The following COG4 variants were observed in gnomAD, a reference collection of about 807,000 sequenced individuals.
The protein encoded by COG4 is component of oligomeric golgi complex 4, also known as conserved oligomeric Golgi complex subunit 4.
COG4 carries 65 observed loss-of-function variants against 95.1 expected under a neutral mutation model. That is an observed-to-expected ratio of 0.68 (90% CI 0.56 to 0.84). COG4 has a LOEUF of 0.84. COG4 is among the 40% of genes least tolerant of loss of function. COG4 has a pLI of 0.00. For synonymous variants in COG4, 421 were observed against 374.8 expected (o/e 1.12, Z -1.42); for missense variants, 1,045 against 989.1 (o/e 1.06, Z -0.76).
rs2048982944 is a variant in COG4, at chr16:70,481,159, A to C, written c.2236-15T>G. On this transcript the variant is annotated splice_polypyrimidine_tract_variant and intron_variant, in intron 18 of 18. Transcript: ENST00000323786. ...ATCTCGGTCACCTGTGGGGAAGGAC[A>C]TAGAGACCAGTCAGCAAGGTGGGGT... 5 of 1,613,134 alleles carry C rather than the reference A, an allele frequency of 3.1e-6. No homozygotes were observed. In the South Asian group the frequency reaches 5.5e-5, roughly 18 times the overall value.
chr16:70,520,361 T>C (rs1381730116), intron 1 of COG4, among the ~76,000 whole-genome samples: 1 of 49,972 alleles, frequency 2.0e-5, no homozygotes, highest in East Asian at 8.8e-4. Context: ...GAGAATGACA[T>C]GAACCCGGGG....
Position 70,512,282 on chromosome 16 carries a change from T to C in COG4, c.695A>G (p.His232Arg). ...CGAGAACTTTCTTAATCCCTCCTCA[T>C]GCAAACCCAGCAGTGGGAAGATCTT... ...FFKIFPLLGL[H>R]EEGLRKFSEY... Residue 232 changes from histidine (H) to arginine (R), a missense_variant, in exon 5 of 19, where the codon CAT (histidine) becomes CGT (arginine). Transcript: ENST00000323786. 6.2e-7 allele frequency: 1 copy of C among 1,614,170 alleles called. No individual in the cohort carries two copies. Among genetic ancestry groups the C allele is most frequent in the East Asian group, 2.2e-5 (1 of 44,874 alleles).
intron 7 of COG4, chr16:70,508,872 T>C (rs2049636790): frequency 7.5e-6 from 4 of 533,408 alleles, no homozygotes; most frequent in Non-Finnish European, 1.4e-5. Flanking sequence ...GAAGGGGAAA[T>C]TGGAGACAAT....
chr16:70,519,033 T>C (rs28419202), intron 2 of COG4, among the ~76,000 whole-genome samples: 18,154 of 151,204 alleles, frequency 0.12, 3,613 homozygotes, highest in African/African-American at 0.41. Context: ...AATCACTTGG[T>C]AGGCTTGTCA....
chr16:70,503,359 G>C (rs2049491700), intron 8 of COG4, among the ~76,000 whole-genome samples: 1 of 152,142 alleles, frequency 6.6e-6, no homozygotes, highest in South Asian at 2.1e-4. Context: ...CTGACCCCAA[G>C]ACATCTTTAC....
chr16:70,497,300 G>C lies in COG4; in HGVS notation c.1402C>G (p.Arg468Gly), dbSNP rs148569863. ...VFYIVKKCIG[R>G]ALSSSSIDCL... ...TCAATGCTGGAGCTGGACAGAGCCC[G>C]CCCAATGCACTTCTTAACAATGTAG... Residue 468 changes from arginine to glycine, a missense_variant, in exon 11 of 19, where the codon CGG (arginine) becomes GGG (glycine). Coordinates refer to ENST00000323786, the MANE Select transcript of COG4 (RefSeq NM_015386.3). 1 of 1,614,032 alleles carries C rather than the reference G, an allele frequency of 6.2e-7. No individual in the cohort carries two copies. Among genetic ancestry groups the C allele is most frequent in the African/African-American group, 1.3e-5 (1 of 74,992 alleles).
In COG4 at chr16:70,514,320, GT is replaced by G; in HGVS notation, c.544+14del. The stretch of plus-strand genomic sequence containing the variant: ...ATTTTAACTAAACTAAAAACCAACA[GT>G]TTCGGATGCTGACCCTCTTTGCCCT... On this transcript the variant is annotated intron_variant, in intron 4 of 18. Transcript: ENST00000323786. The G allele has an allele frequency of 6.2e-7, 1 of 1,613,838 alleles. No individual in the cohort carries two copies. Among genetic ancestry groups the G allele is most frequent in the Non-Finnish European group, 8.5e-7 (1 of 1,179,788 alleles).
At position 70,481,105 on chromosome 16, in the gene COG4, G is replaced by C. The variant is rs771106863; in HGVS notation, c.2275C>G (p.Pro759Ala). The change falls in exon 19 of 19, where the codon CCA becomes GCA. Residue 759 changes from proline (P) to alanine (A), a missense_variant. Transcript: ENST00000323786. ...ILDYWGPNSG[P>A]LTWRLTPAEV... Reference sequence around the variant, plus strand: ...GCAGGGGTGAGGCGCCACGTCAATGGGCCGGAATTGGGTCCCCAGTAATCG... The same window carrying C: ...GCAGGGGTGAGGCGCCACGTCAATGCGCCGGAATTGGGTCCCCAGTAATCG... The C allele has an allele frequency of 6.2e-7, 1 of 1,613,548 alleles. No homozygotes were observed. The highest frequency in any genetic ancestry group is 2.2e-5 in the East Asian group (1 of 44,878).
intron 7 of COG4, 117 bp from the exon 8 acceptor site, chr16:70,508,581 G>T: frequency 1.1e-6 from 1 of 907,734 alleles, no homozygotes; most frequent in Non-Finnish European, 1.8e-6. Context: ...TGTTTACCAG[G>T]TTTACCTTCC....
chr16:70,496,204 A>G, intron 12 of COG4, 62 bp downstream of exon 12: 3 of 1,564,626 alleles, frequency 1.9e-6, no homozygotes, highest in Non-Finnish European at 2.6e-6. Flanking sequence ...ACTGTGGCTT[A>G]GCAGTGATAG....
Position 70,480,917 on chromosome 16 carries a change from C to G in COG4, c.*93G>C. 3.3e-6 allele frequency: 5 copies of G among 1,492,560 alleles called. No homozygotes were observed. The highest frequency in any genetic ancestry group is 1.4e-5 in the African/African-American group (1 of 72,944). 92.5% of individuals were successfully genotyped at this position (1,492,560 alleles called of 1,614,324 possible). On this transcript the variant is annotated 3_prime_UTR_variant, in exon 19 of 19. Coordinates refer to ENST00000323786, the MANE Select transcript of COG4 (RefSeq NM_015386.3). Reference sequence around the variant, plus strand: ...GAAAGGTCTGGGCTGTCAGATCTCCCCCAAGCCAGACAGCCTCGCTCAGCT... The same window carrying G: ...GAAAGGTCTGGGCTGTCAGATCTCCGCCAAGCCAGACAGCCTCGCTCAGCT...
intron 1 of COG4, among the ~76,000 whole-genome samples, chr16:70,522,359 G>T (rs2049966669): frequency 6.6e-6 from 1 of 152,172 alleles, no homozygotes; most frequent in East Asian, 1.9e-4. Context: ...CACTAAACTA[G>T]CCAGGCACGG....
chr16:70,487,284 AAAAAAT>A (rs973565436), intron 13 of COG4, among the ~76,000 whole-genome samples: 6 of 146,954 alleles, frequency 4.1e-5, no homozygotes, highest in Non-Finnish European at 8.9e-5. Context: ...TCAAAAAATA[AAAAAAT>A]AAAAATAAAA....
rs530931196 is a variant in COG4 at position 70,521,031 on chromosome 16, G to A, written c.172-1300C>T. Among the ~76,000 whole-genome samples, 3 of 152,180 alleles carry A rather than the reference G, an allele frequency of 2.0e-5. No individual in the cohort carries two copies. The South Asian group carries it at 6.2e-4, about 32-fold the overall frequency. On this transcript the variant is annotated intron_variant, in intron 1 of 18. Transcript: ENST00000323786. ...GCCCCCCAAATATCTGTGACTATAG[G>A]CGTGCACAACCCTGGTCCACTGTTT...
At chr16:70,502,636 A>C (rs1167744754) in intron 8 of COG4, among the ~76,000 whole-genome samples, 1 of 152,102 alleles carries the variant, frequency 6.6e-6, no homozygotes, top group Non-Finnish European at 1.5e-5. Flanking sequence ...TCTCATGTGA[A>C]AGAAAACTCT....
At position 70,523,488 on chromosome 16, in the gene COG4, T is replaced by G. The variant is rs756266249; in HGVS notation, c.56A>C (p.Gln19Pro). ...GCCACCTCCCACCCCCTCAGACGGC[T>G]GCTGCACCCCTGACAGCTTCGGAGG... ...DSPPKLSGVQ[Q>P]PSEGVGGGRC... Residue 19 changes from glutamine (Q) to proline (P), a missense_variant, in exon 1 of 19, where the codon CAG becomes CCG. Transcript: ENST00000323786. 6.2e-7 allele frequency: 1 copy of G among 1,614,112 alleles called. No homozygotes were observed. The highest frequency in any genetic ancestry group is 1.7e-5 in the Admixed American group (1 of 60,012).
chr16:70,510,258 T>C (rs2049673053), intron 5 of COG4, among the ~76,000 whole-genome samples: 1 of 152,214 alleles, frequency 6.6e-6, no homozygotes, highest in African/African-American at 2.4e-5. Flanking sequence ...TTGGAAAATA[T>C]GGACTGCCAT....
At chr16:70,516,398 G>A (rs775353010) in intron 3 of COG4, among the ~76,000 whole-genome samples, 19 of 151,626 alleles carry the variant, frequency 1.3e-4, no homozygotes, top group South Asian at 4.2e-4. Flanking sequence ...CTGGGTTCAC[G>A]CTATTCTCCT....
In COG4 at chr16:70,501,022, G is replaced by C; in HGVS notation, c.1131C>G (p.Leu377=). 1 of 1,614,030 alleles carries C rather than the reference G, an allele frequency of 6.2e-7. No individual in the cohort carries two copies. Among genetic ancestry groups the C allele is most frequent in the Non-Finnish European group, 8.5e-7 (1 of 1,179,988 alleles). Residue 377 remains leucine, a synonymous_variant, in exon 9 of 19, where the codon CTC becomes CTG. Transcript: ENST00000323786. The part of the protein sequence containing the change: ...NARSELYLRF[L]KKRISSDFEV... ...CAAAATCAGAGCTAATCCTCTTCTT[G>C]AGGAAGCGTAAGTATAGCTCACTGC... is the stretch of plus-strand genomic sequence containing the variant.
Sources: gnomAD v4.1 joint callset for allele counts (sites outside exome capture counted in the v4.1 genomes callset) on GRCh38, gnomAD v4.1.1 for gene constraint, MANE v1.5 for transcripts, NCBI Gene and HGNC (gene_info 2026-07-23, HGNC 2026-07-21) for gene names.